PLEKHH1: variants seen among roughly 807,000 people sequenced by gnomAD.
PLEKHH1 encodes the protein pleckstrin homology domain-containing family H member 1.
PLEKHH1 carries 104 observed loss-of-function variants against 160.0 expected under a neutral mutation model. The observed-to-expected ratio is 0.65, with a 90% CI of 0.55 to 0.76. The LOEUF (loss-of-function observed/expected upper bound fraction) is 0.76. Among genes scored for constraint, PLEKHH1 ranks in the 30% least tolerant of loss-of-function variants. The pLI is 0.00. For synonymous variants in PLEKHH1, 619 were observed against 678.4 expected, an observed-to-expected ratio of 0.91 and a Z score of 1.36; for missense variants, 1,427 against 1,724.1, an observed-to-expected ratio of 0.83 and a Z score of 3.05.
chr14:67,578,803 G>A lies in PLEKHH1; in HGVS notation c.2849+172G>A, dbSNP rs1448297698. On this transcript the variant is annotated intron_variant, in intron 20 of 28. Coordinates refer to ENST00000329153, the MANE Select transcript of PLEKHH1 (RefSeq NM_020715.3). The surrounding 1 kb of genome is among the most constrained non-coding windows in gnomAD (Gnocchi z 5.0). ...TGCACAAATGGGCACGTGTGGATCT[G>A]GGCATGCTTAAGCTTCTCTGCACGC... Among the ~76,000 whole-genome samples, 1 of 150,278 alleles carries A rather than the reference G, an allele frequency of 6.7e-6. No individual in the cohort carries two copies. The highest frequency in any genetic ancestry group is 6.6e-5 in the Admixed American group (1 of 15,118).
intron 2 of PLEKHH1, among the ~76,000 whole-genome samples, chr14:67,553,141 A>C (rs1331210945): frequency 7.2e-6 from 1 of 138,260 alleles, no homozygotes; most frequent in Non-Finnish European, 1.7e-5. Context: ...AGATGAAGTC[A>C]GAAAATATCA....
chr14:67,541,162 G>T (rs990317490), intron 1 of PLEKHH1, among the ~76,000 whole-genome samples: 1 of 152,136 alleles, frequency 6.6e-6, no homozygotes, highest in African/African-American at 2.4e-5. Context: ...GATTGTCAAA[G>T]ACATTCAAAG....
At chr14:67,583,555 C>G (rs1005815499) in intron 24 of PLEKHH1, among the ~76,000 whole-genome samples, 186 bp from the exon 25 acceptor site, 3 of 152,164 alleles carry the variant, frequency 2.0e-5, no homozygotes, top group Non-Finnish European at 2.9e-5. Context: ...TATTCGAGGG[C>G]CCTAAGTTTG....
At position 67,562,751 on chromosome 14, in the gene PLEKHH1, C is replaced by T. The variant is rs755141584; in HGVS notation, c.1120C>T (p.Pro374Ser). The T allele has an allele frequency of 6.2e-7, 1 of 1,613,786 alleles. No individual in the cohort carries two copies. Residue 374 changes from proline (P) to serine (S), a missense_variant, in exon 7 of 29, where the codon CCA (proline) becomes TCA (serine). Coordinates refer to ENST00000329153, the MANE Select transcript of PLEKHH1 (RefSeq NM_020715.3). Reference protein sequence around the residue: ...LESRARSREEPEKMEMEEPPP... With the variant: ...LESRARSREESEKMEMEEPPP... ...GTCCCGAGCTAGGTCCCGGGAGGAA[C>T]CAGAGAAGATGGAGATGGAGGAGCC...
At chr14:67,551,554 A>G (rs2034392031) in intron 2 of PLEKHH1, among the ~76,000 whole-genome samples, 1 of 152,174 alleles carries the variant, frequency 6.6e-6, no homozygotes, top group African/African-American at 2.4e-5. Flanking sequence ...GTGAGGTTCC[A>G]CTGCCTTACC....
At chr14:67,546,405 T>C (rs973222723) in intron 2 of PLEKHH1, among the ~76,000 whole-genome samples, 1 of 152,156 alleles carries the variant, frequency 6.6e-6, no homozygotes, top group Non-Finnish European at 1.5e-5. Context: ...GTTTTTGTTT[T>C]TGTTTTTGTT....
rs541723685 is a variant in PLEKHH1 at position 67,552,991 on chromosome 14, C to T, written c.127-2834C>T. 1.1e-4 allele frequency among the ~76,000 whole-genome samples: 17 copies of T among 152,250 alleles called. No homozygotes were observed. In the South Asian group the frequency reaches 3.1e-3, roughly 28 times the overall value. ...GCTCGCTGTGTTGTCAATAACAGAG[C>T]GATTTCTGGTTCTGACCAATGTCAT... On this transcript the variant is annotated intron_variant, in intron 2 of 28. Coordinates refer to ENST00000329153, the MANE Select transcript of PLEKHH1 (RefSeq NM_020715.3).
chr14:67,563,594 C>T (rs1433243817), intron 7 of PLEKHH1, among the ~76,000 whole-genome samples: 4 of 151,800 alleles, frequency 2.6e-5, no homozygotes, highest in Non-Finnish European at 4.4e-5. Context: ...CCACCACGCC[C>T]AGCTAATTTT....
At chr14:67,586,728 C>G in intron 28 of PLEKHH1, 5 of 1,088,580 alleles carry the variant, frequency 4.6e-6, no homozygotes, top group Non-Finnish European at 4.8e-6. Context: ...TTTGCCAAAC[C>G]TACTCCTCCT....
At chr14:67,542,030 G>T in intron 2 of PLEKHH1, 37 bp downstream of exon 2, 1 of 1,554,884 alleles carries the variant, frequency 6.4e-7, no homozygotes, top group East Asian at 2.4e-5. Flanking sequence ...CTCTCCACAC[G>T]CAGAGGTTTA....
At chr14:67,579,581 TG>T in intron 21 of PLEKHH1, 139 bp from the exon 22 acceptor site, 1 of 823,474 alleles carries the variant, frequency 1.2e-6, no homozygotes, top group South Asian at 1.8e-5. Flanking sequence ...CCTTTGCCTG[TG>T]AACACAGAAA....
At chr14:67,559,474 A>G in intron 4 of PLEKHH1, 134 bp from the exon 5 acceptor site, 1 of 625,180 alleles carries the variant, frequency 1.6e-6, no homozygotes, top group Non-Finnish European at 2.9e-6. Context: ...TAATATTTCA[A>G]CAAACGATTT....
chr14:67,583,019 A>G (rs1470725154), intron 24 of PLEKHH1, among the ~76,000 whole-genome samples: 2 of 152,158 alleles, frequency 1.3e-5, no homozygotes, highest in Non-Finnish European at 2.9e-5. Context: ...CCTTCCCATT[A>G]TATTTAGAAG....
chr14:67,564,191 C>T (rs1035085520), intron 7 of PLEKHH1, among the ~76,000 whole-genome samples: 1 of 152,116 alleles, frequency 6.6e-6, no homozygotes, highest in Non-Finnish European at 1.5e-5. Flanking sequence ...TTAGTAGAGT[C>T]GGGGTTTCAC....
chr14:67,585,491 CTTCT>C (rs1347342659), intron 26 of PLEKHH1, 73 bp from the exon 27 acceptor site: 2 of 988,364 alleles, frequency 2.0e-6, no homozygotes, highest in Admixed American at 2.2e-5. Flanking sequence ...CTGGATGTGC[CTTCT>C]TTCTCAGAAA....
At position 67,569,905 on chromosome 14, in the gene PLEKHH1, T is replaced by A. The variant is rs750302656; in HGVS notation, c.1343-16T>A. ...TTATGCCCTTGAGTAATCTCATTCC[T>A]CTCTTCCCTGCTCAGCTTCAAGCCC... On this transcript the variant is annotated splice_polypyrimidine_tract_variant and intron_variant, in intron 8 of 28. Coordinates refer to ENST00000329153, the MANE Select transcript of PLEKHH1 (RefSeq NM_020715.3). 3.2e-6 allele frequency: 5 copies of A among 1,563,252 alleles called. No individual in the cohort carries two copies. Among genetic ancestry groups the A allele is most frequent in the Non-Finnish European group, 3.5e-6 (4 of 1,138,722 alleles).
Position 67,578,213 on chromosome 14 carries a change from G to A in PLEKHH1, c.2751+14G>A. 1 of 1,610,368 alleles carries A rather than the reference G, an allele frequency of 6.2e-7. No homozygotes were observed. Among genetic ancestry groups the A allele is most frequent in the Non-Finnish European group, 8.5e-7 (1 of 1,177,422 alleles). ...TCCCTCATGCAGGTAGGCATGCCAG[G>A]GGTGGAGCAGCTGACAGAAGCCATT... On this transcript the variant is annotated intron_variant, in intron 19 of 28. Coordinates refer to ENST00000329153, the MANE Select transcript of PLEKHH1 (RefSeq NM_020715.3). This position sits in a 1 kb window ranked among gnomAD's most constrained non-coding sequence, Gnocchi z 5.0.
intron 1 of PLEKHH1, among the ~76,000 whole-genome samples, chr14:67,538,715 C>T (rs979814276): frequency 2.6e-5 from 4 of 152,168 alleles, no homozygotes; most frequent in Admixed American, 2.0e-4. Context: ...AAGCCAAGCA[C>T]GAGTCCCAAC....
chr14:67,586,069 AGTT>A lies in PLEKHH1; in HGVS notation c.3907_3909del (p.Leu1303del). 6.2e-7 allele frequency: 1 copy of A among 1,614,000 alleles called. No individual in the cohort carries two copies. The highest frequency in any genetic ancestry group is 8.5e-7 in the Non-Finnish European group (1 of 1,179,892). The stretch of plus-strand genomic sequence containing the variant: ...AGCTCTGGAAAAAGCCACATTGAGA[AGTT>A]GATCTTCCGGATGGCTGCTCCCAAG... On this transcript the variant is annotated inframe_deletion, in exon 28 of 29. Coordinates refer to ENST00000329153, the MANE Select transcript of PLEKHH1 (RefSeq NM_020715.3).
Sources: gnomAD v4.1 joint callset for allele counts (sites outside exome capture counted in the v4.1 genomes callset) on GRCh38, gnomAD v4.1.1 for gene constraint, Gnocchi (gnomAD v3.1) non-coding constraint, MANE v1.5 for transcripts, NCBI Gene and HGNC (gene_info 2026-07-23, HGNC 2026-07-21) for gene names.